SRBD1: variants seen among roughly 807,000 people sequenced by gnomAD.
The protein encoded by SRBD1 is S1 RNA-binding domain-containing protein 1.
In SRBD1, 88 loss-of-function variants were observed where a neutral mutation model predicts 115.3. The observed-to-expected ratio is 0.76, with a 90% CI of 0.64 to 0.91. The LOEUF (loss-of-function observed/expected upper bound fraction) is 0.91. Among genes scored for constraint, SRBD1 ranks in the 40% least tolerant of loss-of-function variants. The pLI, the probability that SRBD1 is intolerant of heterozygous loss-of-function variation, is 0.00. For missense variants in SRBD1, 1,385 were observed against 1,177.4 expected (o/e 1.18, Z -2.58); for synonymous variants, 509 against 407.7 (o/e 1.25, Z -2.99).
At chr2:45,594,359 G>C (rs1329567875) in intron 4 of SRBD1, among the ~76,000 whole-genome samples, 1 of 152,080 alleles carries the variant, frequency 6.6e-6, no homozygotes, top group Non-Finnish European at 1.5e-5. Context: ...TATTACACAT[G>C]GCTGCTCAAC....
chr2:45,602,205 A>AT lies in SRBD1; in HGVS notation c.81-123dup, dbSNP rs1674116377. The AT allele has an allele frequency of 3.5e-6, 4 of 1,129,778 alleles. No homozygotes were observed. In the Admixed American group the frequency reaches 8.2e-5, roughly 23 times the overall value. 70.0% of individuals were successfully genotyped at this position (1,129,778 alleles called of 1,614,324 possible). ...GAGGTGTTTAATATAAAATGGAGTG[A>AT]TTGAGTACAGGCTGTGAACAGTTAT... On this transcript the variant is annotated intron_variant, in intron 2 of 20. Coordinates refer to ENST00000263736, the MANE Select transcript of SRBD1 (RefSeq NM_018079.5).
At chr2:45,414,803 T>TGTACACACACATAGTGTGTATATAGTAG (rs1572612671) in intron 18 of SRBD1, among the ~76,000 whole-genome samples, 2 of 141,436 alleles carry the variant, frequency 1.4e-5, no homozygotes, top group East Asian at 4.1e-4. Context: ...GTATATAGTA[T>TGTACACACACATAGTGTGTATATAGTAG]GTACACACAC....
chr2:45,458,818 C>G (rs906607000), intron 16 of SRBD1, among the ~76,000 whole-genome samples: 7 of 152,116 alleles, frequency 4.6e-5, no homozygotes, highest in African/African-American at 1.7e-4. Flanking sequence ...TATTTTATTA[C>G]AACTCACATT....
chr2:45,391,313 A>G (rs1292179610), intron 20 of SRBD1, among the ~76,000 whole-genome samples: 1 of 152,228 alleles, frequency 6.6e-6, no homozygotes, highest in East Asian at 1.9e-4. Flanking sequence ...CAGTTAGGGA[A>G]ATTAACTAGT....
intron 16 of SRBD1, among the ~76,000 whole-genome samples, chr2:45,443,458 G>T (rs72803994): frequency 6.6e-6 from 1 of 152,024 alleles, no homozygotes; most frequent in African/African-American, 2.4e-5. Flanking sequence ...AAATTTTGGT[G>T]GGGGGGATTA....
At chr2:45,416,009 G>C (rs759034031) in intron 18 of SRBD1, among the ~76,000 whole-genome samples, 27 of 151,990 alleles carry the variant, frequency 1.8e-4, no homozygotes, top group Non-Finnish European at 3.2e-4. Flanking sequence ...AATCACTAAG[G>C]AGAGATAAAG....
chr2:45,536,346 C>T (rs956396770), intron 14 of SRBD1, among the ~76,000 whole-genome samples: 17 of 151,702 alleles, frequency 1.1e-4, no homozygotes, highest in African/African-American at 3.9e-4. Flanking sequence ...AAAAAACATA[C>T]TTGATAGAAT....
chr2:45,488,699 T>C (rs967138417), intron 14 of SRBD1, among the ~76,000 whole-genome samples: 12 of 152,238 alleles, frequency 7.9e-5, no homozygotes, highest in African/African-American at 1.9e-4. Flanking sequence ...TAATTCATTA[T>C]TGACTGACAT....
chr2:45,498,049 T>C (rs1389042123), intron 14 of SRBD1, among the ~76,000 whole-genome samples: 3 of 152,188 alleles, frequency 2.0e-5, no homozygotes, highest in Admixed American at 1.3e-4. Flanking sequence ...CTCCAGTTTG[T>C]TCATATCCTT....
intron 16 of SRBD1, among the ~76,000 whole-genome samples, chr2:45,429,640 T>C (rs1472112277): frequency 6.6e-6 from 1 of 152,212 alleles, no homozygotes; most frequent in Non-Finnish European, 1.5e-5. Flanking sequence ...TTATGCAACG[T>C]ATCTCAAAAT....
chr2:45,530,423 A>C (rs1671575697), intron 14 of SRBD1, among the ~76,000 whole-genome samples: 1 of 152,052 alleles, frequency 6.6e-6, no homozygotes. Flanking sequence ...ATATTTAAAA[A>C]AGAAAAAAGC....
intron 1 of SRBD1, among the ~76,000 whole-genome samples, chr2:45,609,518 C>T (rs556319716): frequency 2.6e-4 from 40 of 152,290 alleles, no homozygotes; most frequent in African/African-American, 8.9e-4. Context: ...TTACTTCCCA[C>T]CCCATCCTTC....
intron 16 of SRBD1, among the ~76,000 whole-genome samples, chr2:45,437,555 A>G (rs963256666): frequency 3.9e-5 from 6 of 152,150 alleles, no homozygotes; most frequent in Non-Finnish European, 8.8e-5. Flanking sequence ...TACACCCTTA[A>G]CAAAAGTAAA....
chr2:45,581,736 T>C lies in SRBD1; in HGVS notation c.890A>G (p.Lys297Arg). The C allele has an allele frequency of 6.2e-7, 1 of 1,613,632 alleles. No individual in the cohort carries two copies. Among genetic ancestry groups the C allele is most frequent in the Non-Finnish European group, 8.5e-7 (1 of 1,179,800 alleles). Reference sequence around the variant, plus strand: ...AAAAGTTTTACAATTCAGCATGGCTTTTAACAAGCACTCAGACATCTTCCC... The same window carrying C: ...AAAAGTTTTACAATTCAGCATGGCTCTTAACAAGCACTCAGACATCTTCCC... ...KEGKMSECLLKAMLNCKTFEE... is the reference protein window; with the variant it reads ...KEGKMSECLLRAMLNCKTFEE... The change falls in exon 6 of 21, where the codon AAA (lysine) becomes AGA (arginine). Residue 297 changes from lysine to arginine, a missense_variant. Physicochemically the swap from Lys to Arg is conservative, Grantham distance 26. Coordinates refer to ENST00000263736, the MANE Select transcript of SRBD1 (RefSeq NM_018079.5).
intron 4 of SRBD1, among the ~76,000 whole-genome samples, chr2:45,593,820 T>C (rs1395846749): frequency 6.6e-6 from 1 of 152,148 alleles, no homozygotes; most frequent in Non-Finnish European, 1.5e-5. Flanking sequence ...CAAGTTTCCT[T>C]ACAGATTGCA....
At chr2:45,557,196 C>T (rs182208772) in intron 10 of SRBD1, among the ~76,000 whole-genome samples, 3 of 152,076 alleles carry the variant, frequency 2.0e-5, no homozygotes, top group African/African-American at 7.2e-5. Context: ...GTGGCAGTGG[C>T]TGGATCATAA....
intron 16 of SRBD1, among the ~76,000 whole-genome samples, chr2:45,476,772 C>T (rs1669815670): frequency 6.6e-6 from 1 of 152,082 alleles, no homozygotes; most frequent in Non-Finnish European, 1.5e-5. Flanking sequence ...TCAATCTGAC[C>T]ACAGTCAATT....
In SRBD1 at chr2:45,547,669, G is replaced by A. The variant is rs1004159789; in HGVS notation, c.1676-57C>T. 4.9e-6 allele frequency: 7 copies of A among 1,434,054 alleles called. No homozygotes were observed. The African/African-American group carries it at 1.0e-4, about 21-fold the overall frequency. 88.8% of individuals were successfully genotyped at this position (1,434,054 alleles called of 1,614,324 possible). A position where few individuals can be genotyped will look rare whatever the true frequency, so the allele number is the denominator to read the frequency against. ...TAAGAAATTACAAAGTGAAACACATGAATGATTTTGTTAAGCAAGTTGTAA... is the reference window on the plus strand; with the variant it reads ...TAAGAAATTACAAAGTGAAACACATAAATGATTTTGTTAAGCAAGTTGTAA... On this transcript the variant is annotated intron_variant, in intron 12 of 20. Transcript: ENST00000263736.
chr2:45,586,833 C>T (rs1226999319), intron 4 of SRBD1, among the ~76,000 whole-genome samples: 1 of 145,546 alleles, frequency 6.9e-6, no homozygotes, highest in Admixed American at 6.9e-5. Context: ...TGGCATGAAC[C>T]ACCGAAACAG....
Sources: gnomAD v4.1 joint callset for allele counts (sites outside exome capture counted in the v4.1 genomes callset) on GRCh38, gnomAD v4.1.1 for gene constraint, MANE v1.5 for transcripts, NCBI Gene and HGNC (gene_info 2026-07-23, HGNC 2026-07-21) for gene names.